The following TUSC3 variants were observed in gnomAD, a reference collection of about 807,000 sequenced individuals.
TUSC3 encodes dolichyl-diphosphooligosaccharide--protein glycosyltransferase subunit TUSC3.
Under a neutral mutation model 44.8 loss-of-function variants are expected in TUSC3, and 45 were observed. The ratio of observed to expected loss-of-function variants is 1.00; its 90% CI spans 0.79 to 1.29. The LOEUF is 1.29. TUSC3 is among the 50% of genes most tolerant of loss of function. The pLI is 0.00. For synonymous variants in TUSC3, 212 were observed against 152.9 expected, an observed-to-expected ratio of 1.39 and a Z score of -2.85; for missense variants, 519 against 437.9, an observed-to-expected ratio of 1.19 and a Z score of -1.65.
At chr8:15,838,990 A>G in the TUSC3 span, among the ~76,000 whole-genome samples, 2 of 152,132 alleles carry the variant, frequency 1.3e-5, no homozygotes, top group Admixed American at 6.6e-5. Context: ...CTACCCATGA[A>G]CATGGAATGT....
intron 1 of TUSC3, among the ~76,000 whole-genome samples, chr8:15,468,330 T>C (rs1585056126): frequency 6.6e-6 from 1 of 151,956 alleles, no homozygotes; most frequent in South Asian, 2.1e-4. Context: ...TAGTCAAGAG[T>C]GTTCATTTCA....
chr8:15,803,536 G>A, the TUSC3 span, among the ~76,000 whole-genome samples: 3 of 152,094 alleles, frequency 2.0e-5, no homozygotes. Context: ...TAGCATAAAA[G>A]GTTAAATAGA....
intron 1 of TUSC3, among the ~76,000 whole-genome samples, chr8:15,446,513 G>A (rs756679173): frequency 1.3e-5 from 2 of 152,224 alleles, no homozygotes; most frequent in South Asian, 2.1e-4. Flanking sequence ...ATCACTCATG[G>A]TCAGGAGCTG....
At chr8:15,800,533 A>C in the TUSC3 span, among the ~76,000 whole-genome samples, 1 of 151,774 alleles carries the variant, frequency 6.6e-6, no homozygotes, top group African/African-American at 2.4e-5. Context: ...AGATCATGCC[A>C]CTGCACTCCA....
intron 2 of TUSC3, among the ~76,000 whole-genome samples, chr8:15,512,457 T>C (rs1040985941): frequency 2.0e-5 from 3 of 152,114 alleles, no homozygotes; most frequent in Admixed American, 6.5e-5. Context: ...TCCACAAACA[T>C]GTGAACTAAT....
the TUSC3 span, among the ~76,000 whole-genome samples, chr8:15,812,549 T>C: frequency 6.6e-6 from 1 of 152,194 alleles, no homozygotes; most frequent in Non-Finnish European, 1.5e-5. Context: ...TCTACCTTAA[T>C]TAATTTCTCA....
At chr8:15,615,386 T>G (rs1804945525) in intron 1 of TUSC3, among the ~76,000 whole-genome samples, 1 of 152,112 alleles carries the variant, frequency 6.6e-6, no homozygotes, top group South Asian at 2.1e-4. Context: ...ATGTTCTCAC[T>G]CATATGGGAG....
At chr8:15,599,038 G>A (rs549010621) in intron 1 of TUSC3, among the ~76,000 whole-genome samples, 13 of 151,874 alleles carry the variant, frequency 8.6e-5, no homozygotes, top group Admixed American at 7.9e-4. Flanking sequence ...CAAAGTGCCT[G>A]TACCATTTTG....
At chr8:15,630,334 A>G (rs35130332) in intron 2 of TUSC3, among the ~76,000 whole-genome samples, 60,738 of 151,966 alleles carry the variant, frequency 0.4, 12,862 homozygotes, top group Non-Finnish European at 0.48. Context: ...AGAAGAATAA[A>G]TAACATTACA....
intron 2 of TUSC3, among the ~76,000 whole-genome samples, chr8:15,507,347 T>A (rs1452332996): frequency 6.6e-6 from 1 of 152,238 alleles, no homozygotes; most frequent in Non-Finnish European, 1.5e-5. Context: ...TTCAGCTATC[T>A]CTCATATATA....
intron 8 of TUSC3, among the ~76,000 whole-genome samples, chr8:15,748,086 TAAAAGAAG>T (rs1241853545): frequency 6.6e-6 from 1 of 152,084 alleles, no homozygotes; most frequent in Non-Finnish European, 1.5e-5. Context: ...AAGAACTCTA[TAAAAGAAG>T]AAAACCTCCA....
In TUSC3 at chr8:15,556,957, C is replaced by T; in HGVS notation, c.138+16389C>T. The stretch of plus-strand genomic sequence containing the variant: ...AATTTTCTCCCATTTTGTAGGTTGC[C>T]TGTACACTCTGATGGTAATTTCTTT... On this transcript the variant is annotated intron_variant, in intron 1 of 10. Transcript: ENST00000503731. Among the ~76,000 whole-genome samples, 2 of 149,822 alleles carry T rather than the reference C, an allele frequency of 1.3e-5. 1 individual carries two copies. Among genetic ancestry groups the T allele is most frequent in the Non-Finnish European group, 3.0e-5 (2 of 67,294 alleles).
the TUSC3 span, among the ~76,000 whole-genome samples, chr8:15,783,215 A>T: frequency 6.6e-6 from 1 of 152,210 alleles, no homozygotes; most frequent in Admixed American, 6.5e-5. Flanking sequence ...TAGCCCAAAT[A>T]AATAGAAATG....
At chr8:15,502,226 C>A (rs958142085) in intron 2 of TUSC3, among the ~76,000 whole-genome samples, 1 of 152,334 alleles carries the variant, frequency 6.6e-6, no homozygotes, top group East Asian at 1.9e-4. Context: ...AGTCTACAAA[C>A]TGCTTATTTC....
At position 15,681,683 on chromosome 8, in the gene TUSC3, G is replaced by T. The variant is rs186865208; in HGVS notation, c.798+7847G>T. On this transcript the variant is annotated intron_variant, in intron 6 of 10. Coordinates refer to ENST00000503731, the MANE Select transcript of TUSC3 (RefSeq NM_006765.4). The stretch of plus-strand genomic sequence containing the variant: ...CTTCAATTTCATTCAATTATGCTCT[G>T]ATTTTAGTTATTTATTTTTGTCTGC... Among the ~76,000 whole-genome samples the T allele has an allele frequency of 1.9e-4, 29 of 151,314 alleles. No individual in the cohort carries two copies. In the East Asian group the frequency reaches 4.7e-3, roughly 24 times the overall value.
chr8:15,553,687 G>A (rs1802134117), intron 1 of TUSC3, among the ~76,000 whole-genome samples: 1 of 151,656 alleles, frequency 6.6e-6, no homozygotes, highest in Non-Finnish European at 1.5e-5. Context: ...ATTAATGAGT[G>A]GGTTGTGAGG....
intron 1 of TUSC3, among the ~76,000 whole-genome samples, chr8:15,474,212 G>T (rs1800537174): frequency 6.6e-6 from 1 of 152,270 alleles, no homozygotes; most frequent in South Asian, 2.1e-4. Flanking sequence ...GTCTTCCCTT[G>T]TTCCCTGAAA....
intron 1 of TUSC3, among the ~76,000 whole-genome samples, chr8:15,480,311 C>A (rs1395432668): frequency 6.6e-6 from 1 of 152,178 alleles, no homozygotes; most frequent in Non-Finnish European, 1.5e-5. Flanking sequence ...TGACATTCTT[C>A]ACATAATTAG....
intron 2 of TUSC3, among the ~76,000 whole-genome samples, chr8:15,637,275 C>T (rs1028623622): frequency 3.3e-5 from 5 of 152,070 alleles, no homozygotes; most frequent in African/African-American, 1.2e-4. Flanking sequence ...TGCTTTTAAT[C>T]CTATTCTTAA....
Sources: gnomAD v4.1 joint callset for allele counts (sites outside exome capture counted in the v4.1 genomes callset) on GRCh38, gnomAD v4.1.1 for gene constraint, MANE v1.5 for transcripts, NCBI Gene and HGNC (gene_info 2026-07-23, HGNC 2026-07-21) for gene names.